Variants in PHRF1 observed in about 807,000 individuals in gnomAD.
The protein encoded by PHRF1 is PHD and ring finger domains 1, also known as PHD and RING finger domain-containing protein 1.
Under a neutral mutation model 128.9 loss-of-function variants are expected in PHRF1, and 53 were observed. The observed-to-expected ratio is 0.41, with a 90% CI of 0.33 to 0.52. The LOEUF is 0.52. PHRF1 is among the 20% of genes least tolerant of loss of function. The pLI is 0.21. For synonymous variants in PHRF1, 1,178 were observed against 980.6 expected (o/e 1.20, Z -3.76); for missense variants, 2,503 against 2,284.5 (o/e 1.10, Z -1.95).
At position 598,481 on chromosome 11, in the gene PHRF1, G is replaced by T. The variant is rs182144037; in HGVS notation, c.1003G>T (p.Ala335Ser). 2.4e-3 allele frequency: 3,897 copies of T among 1,609,430 alleles called. 25 individuals carry two copies. The highest frequency in any genetic ancestry group is 8.0e-3 in the South Asian group (727 of 90,874). The change falls in exon 9 of 18, where the codon GCC becomes TCC. Residue 335 changes from alanine to serine, a missense_variant. By Grantham distance (99) the Ala-to-Ser change is moderately conservative. Coordinates refer to ENST00000264555, the MANE Select transcript of PHRF1 (RefSeq NM_001286581.2). ...YQRPLTPRTP[A>S]RRKRKTRRRK... Reference sequence around the variant, plus strand: ...GCGCCCCCTGACGCCGCGCACTCCCGCCCGACGGAAGAGGAAGACAAGTAA... The same window carrying T: ...GCGCCCCCTGACGCCGCGCACTCCCTCCCGACGGAAGAGGAAGACAAGTAA...
At chr11:604,039 C>T (rs1855804646) in intron 10 of PHRF1, among the ~76,000 whole-genome samples, 1 of 152,128 alleles carries the variant, frequency 6.6e-6, no homozygotes, top group Admixed American at 6.5e-5. Context: ...TTCGAACATC[C>T]GATCTGTTTA....
chr11:601,563 C>G lies in PHRF1; in HGVS notation c.1025-11C>G, dbSNP rs375934690. On this transcript the variant is annotated splice_polypyrimidine_tract_variant and intron_variant, in intron 9 of 17. Coordinates refer to ENST00000264555, the MANE Select transcript of PHRF1 (RefSeq NM_001286581.2). ...CACAGAGAAGCACAGACTTCAACCT[C>G]TTTTCCTTAGGAAGACGGAAGAAAG... 1.7e-5 allele frequency: 28 copies of G among 1,613,562 alleles called. No homozygotes were observed. The African/African-American group carries it at 2.7e-4, about 15-fold the overall frequency.
Position 611,829 on chromosome 11 carries a change from C to T in PHRF1, c.*52C>T, listed in dbSNP as rs111450007. 106 of 1,536,602 alleles carry T rather than the reference C, an allele frequency of 6.9e-5. No homozygotes were observed. The highest frequency in any genetic ancestry group is 1.9e-4 in the African/African-American group (14 of 72,108). ...GGGAGCTGTCGGGAGTGGCGGGAAT[C>T]GGGGCCATGCCCGGGGAGCTGTCGG... On this transcript the variant is annotated 3_prime_UTR_variant, in exon 18 of 18. Transcript: ENST00000264555.
intron 10 of PHRF1, among the ~76,000 whole-genome samples, chr11:603,494 C>T (rs1028537683): frequency 6.6e-6 from 1 of 152,090 alleles, no homozygotes; most frequent in African/African-American, 2.4e-5. Context: ...CGCCACCTCA[C>T]CTAGCTAATT....
rs561476896 is a variant in PHRF1, at chr11:608,071, C to T, written c.2615C>T (p.Thr872Met). ...TCCATCAACAGCCCGAAGGCCCAGA[C>T]GGTGCAGGCTGTGCGCTGCGTCACC... Reference protein sequence around the residue: ...TISINSPKAQTVQAVRCVTSY... With the variant: ...TISINSPKAQMVQAVRCVTSY... The change falls in exon 14 of 18, where the codon ACG becomes ATG. Residue 872 changes from threonine (T) to methionine (M), a missense_variant. Coordinates refer to ENST00000264555, the MANE Select transcript of PHRF1 (RefSeq NM_001286581.2). The T allele has an allele frequency of 1.3e-5, 21 of 1,611,652 alleles. No homozygotes were observed. The highest frequency in any genetic ancestry group is 3.3e-5 in the Admixed American group (2 of 60,034).
chr11:588,676 G>A (rs979936080), intron 4 of PHRF1, among the ~76,000 whole-genome samples: 9 of 152,060 alleles, frequency 5.9e-5, no homozygotes, highest in African/African-American at 2.2e-4. Context: ...ACCACGCCCG[G>A]CCATTTTTAT....
At position 597,090 on chromosome 11, in the gene PHRF1, T is replaced by G; in HGVS notation, c.718+70T>G. 1 of 1,479,800 alleles carries G rather than the reference T, an allele frequency of 6.8e-7. No homozygotes were observed. The highest frequency in any genetic ancestry group is 9.3e-7 in the Non-Finnish European group (1 of 1,078,002). 91.7% of individuals were successfully genotyped at this position (1,479,800 alleles called of 1,614,324 possible). A position where few individuals can be genotyped will look rare whatever the true frequency, so the allele number is the denominator to read the frequency against. On this transcript the variant is annotated intron_variant, in intron 7 of 17. Transcript: ENST00000264555. The surrounding 1 kb of genome is among the most constrained non-coding windows in gnomAD (Gnocchi z 6.5). The stretch of plus-strand genomic sequence containing the variant: ...CTGTCCACTCTGCGGTCCCCGGGGT[T>G]AGGTTTGGCTGCTGTGTGGGGAGGA...
rs1378920561 is a variant in PHRF1, at chr11:597,195, C to T, written c.718+175C>T. 1.3e-5 allele frequency among the ~76,000 whole-genome samples: 2 copies of T among 151,774 alleles called. No individual in the cohort carries two copies. The highest frequency in any genetic ancestry group is 2.1e-4 in the South Asian group (1 of 4,794). ...TAGGGCTGTCTCGGGCTCGTCTTCTCGGGGATGTGTGTGGGGTCCATTGGC... is the reference window on the plus strand; with the variant it reads ...TAGGGCTGTCTCGGGCTCGTCTTCTTGGGGATGTGTGTGGGGTCCATTGGC... On this transcript the variant is annotated intron_variant, in intron 7 of 17. Coordinates refer to ENST00000264555, the MANE Select transcript of PHRF1 (RefSeq NM_001286581.2). This position sits in a 1 kb window ranked among gnomAD's most constrained non-coding sequence, Gnocchi z 6.5.
chr11:606,340 C>T (rs1855936281), intron 12 of PHRF1, 102 bp from the exon 13 acceptor site: 2 of 1,403,542 alleles, frequency 1.4e-6, no homozygotes, highest in East Asian at 5.2e-5. Context: ...CCCGGCCCAG[C>T]CCCACTCTCC....
chr11:610,377 CGTGGGCA>C, intron 15 of PHRF1, 30 bp downstream of exon 15: 2 of 1,541,056 alleles, frequency 1.3e-6, no homozygotes, highest in Non-Finnish European at 1.8e-6. Context: ...GGCTGTGGGC[CGTGGGCA>C]GTGGCCTGGC....
rs749013274 is a variant in PHRF1 at position 597,554 on chromosome 11, C to T, written c.878C>T (p.Thr293Met). 30 of 1,611,376 alleles carry T rather than the reference C, an allele frequency of 1.9e-5. No homozygotes were observed. The highest frequency in any genetic ancestry group is 2.2e-5 in the East Asian group (1 of 44,826). ...ACCGTGAACCGGAACCGGATCTCCA[C>T]GGCCAGGAGGGTCCAGGTGGGTGGC... ...RATVNRNRISTARRVQHTPGR... is the reference protein window; with the variant it reads ...RATVNRNRISMARRVQHTPGR... Residue 293 changes from threonine to methionine, a missense_variant, in exon 8 of 18, where the codon ACG becomes ATG. Physicochemically the swap from Thr to Met is moderately conservative, Grantham distance 81. Coordinates refer to ENST00000264555, the MANE Select transcript of PHRF1 (RefSeq NM_001286581.2). The surrounding 1 kb of genome is among the most constrained non-coding windows in gnomAD (Gnocchi z 6.5).
rs372074282 is a variant in PHRF1, at chr11:609,257, C to T, written c.3801C>T (p.Ala1267=). 104 of 1,611,800 alleles carry T rather than the reference C, an allele frequency of 6.5e-5. No homozygotes were observed. Among genetic ancestry groups the T allele is most frequent in the Middle Eastern group, 1.6e-4 (1 of 6,084 alleles). Residue 1267 remains alanine, a synonymous_variant, in exon 14 of 18, where the codon GCC becomes GCT. Transcript: ENST00000264555. ...TGGATTATGGCGACTCCGTGGAGGC[C>T]GGACACGTCTTTGATGATTTCTCAA... ...LDLDYGDSVE[A]GHVFDDFSSD... is the part of the protein sequence containing the mutation.
intron 1 of PHRF1, among the ~76,000 whole-genome samples, chr11:577,339 T>C (rs867723696): frequency 1.3e-5 from 2 of 152,354 alleles, no homozygotes; most frequent in South Asian, 4.1e-4. Flanking sequence ...TCGGAGTTTA[T>C]GTGCTTTACT....
rs1191559695 is a variant in PHRF1 at position 589,064 on chromosome 11, A to G, written c.420+1600A>G. On this transcript the variant is annotated intron_variant, in intron 4 of 17. Transcript: ENST00000264555. ...GGCAGGAGAATCACTTGAACCTGGG[A>G]GTTGGAGGTTGCAGTGAGCTGAGAT... Among the ~76,000 whole-genome samples, 5 of 151,888 alleles carry G rather than the reference A, an allele frequency of 3.3e-5. No homozygotes were observed. The East Asian group carries it at 5.8e-4, about 18-fold the overall frequency.
Position 608,495 on chromosome 11 carries a change from GC to G in PHRF1, c.3040del (p.His1014ThrfsTer185). The G allele has an allele frequency of 2.5e-6, 4 of 1,612,322 alleles. No homozygotes were observed. Among genetic ancestry groups the G allele is most frequent in the Non-Finnish European group, 3.4e-6 (4 of 1,179,844 alleles). Reference protein sequence around the residue: ...KAKRKRVSREHGRTRSGTRSE... With the variant: ...KAKRKRVSREXGRTRSGTRSE... ...CCAAGAGGAAGAGGGTGTCCAGGGAGCACGGACGGACGCGCTCTGGGACGCG... is the reference window on the plus strand; with the variant it reads ...CCAAGAGGAAGAGGGTGTCCAGGGAGACGGACGGACGCGCTCTGGGACGCG... On this transcript the variant is annotated frameshift_variant, in exon 14 of 18. Coordinates refer to ENST00000264555, the MANE Select transcript of PHRF1 (RefSeq NM_001286581.2). LOFTEE classifies it high-confidence loss of function.
At chr11:590,441 C>G (rs1159854785) in intron 4 of PHRF1, among the ~76,000 whole-genome samples, 2 of 152,274 alleles carry the variant, frequency 1.3e-5, no homozygotes, top group East Asian at 1.9e-4. Context: ...CTGAGAAACC[C>G]CAGGGAAGAC....
chr11:610,862 TG>T (rs1418092894), intron 16 of PHRF1, 91 bp from the exon 17 acceptor site: 41 of 1,585,088 alleles, frequency 2.6e-5, no homozygotes, highest in Non-Finnish European at 3.2e-5. Flanking sequence ...GCTGTGCCTC[TG>T]GAACTGCAAG....
intron 5 of PHRF1, among the ~76,000 whole-genome samples, chr11:592,290 G>T (rs1286518802): frequency 6.6e-6 from 1 of 151,430 alleles, no homozygotes; most frequent in African/African-American, 2.4e-5. Flanking sequence ...GCCCTACTGC[G>T]GCCCACTTTG....
At position 610,620 on chromosome 11, in the gene PHRF1, T is replaced by C. The variant is rs1250608094; in HGVS notation, c.4536T>C (p.Cys1512=). Residue 1512 remains cysteine, a synonymous_variant, in exon 16 of 18, where the codon TGT becomes TGC. Coordinates refer to ENST00000264555, the MANE Select transcript of PHRF1 (RefSeq NM_001286581.2). ...ILQGSLPLVG[C]GAAQTLAPVP... is the part of the protein sequence containing the mutation. ...AGGGGAGCCTGCCGCTAGTGGGCTGTGGGGCAGCACAGACCCTGGCCCCAG... is the reference window on the plus strand; with the variant it reads ...AGGGGAGCCTGCCGCTAGTGGGCTGCGGGGCAGCACAGACCCTGGCCCCAG... 13 of 1,605,894 alleles carry C rather than the reference T, an allele frequency of 8.1e-6. No homozygotes were observed. The highest frequency in any genetic ancestry group is 1.1e-5 in the Non-Finnish European group (13 of 1,179,796).
Sources: gnomAD v4.1 joint callset for allele counts (sites outside exome capture counted in the v4.1 genomes callset) on GRCh38, gnomAD v4.1.1 for gene constraint, Gnocchi (gnomAD v3.1) non-coding constraint, MANE v1.5 for transcripts, NCBI Gene and HGNC (gene_info 2026-07-23, HGNC 2026-07-21) for gene names.